Variants in ARPC1A observed in about 807,000 individuals in gnomAD.
ARPC1A encodes actin-related protein 2/3 complex subunit 1A.
A neutral mutation model predicts 46.9 loss-of-function variants in ARPC1A; 8 were observed. That is an observed-to-expected ratio of 0.17 (90% CI 0.10 to 0.31). ARPC1A has a LOEUF of 0.31. Ranked by LOEUF, ARPC1A falls within the 10% of genes least tolerant of loss-of-function variation. The pLI is 1.00. For missense variants in ARPC1A, 286 were observed against 483.6 expected (o/e 0.59, Z 3.83); for synonymous variants, 152 against 169.0 (o/e 0.90, Z 0.78).
At chr7:99,364,519 G>A (rs952143171) in intron 9 of ARPC1A, among the ~76,000 whole-genome samples, 7 of 150,882 alleles carry the variant, frequency 4.6e-5, no homozygotes, top group Non-Finnish European at 8.9e-5. Flanking sequence ...TGATCCACCC[G>A]CCTCAGCCTC....
chr7:99,332,037 T>G (rs996391388), intron 1 of ARPC1A, among the ~76,000 whole-genome samples: 1 of 152,218 alleles, frequency 6.6e-6, no homozygotes, highest in Non-Finnish European at 1.5e-5. Context: ...AGGCCAGTTC[T>G]TCTATAGAAT....
At chr7:99,362,716 C>T (rs1039443057) in intron 8 of ARPC1A, among the ~76,000 whole-genome samples, 1 of 151,976 alleles carries the variant, frequency 6.6e-6, no homozygotes, top group Non-Finnish European at 1.5e-5. Context: ...TTTGCCATCC[C>T]CTTCCCAGCG....
At chr7:99,355,514 G>A (rs1276848116) in intron 6 of ARPC1A, among the ~76,000 whole-genome samples, 1 of 152,150 alleles carries the variant, frequency 6.6e-6, no homozygotes, top group Non-Finnish European at 1.5e-5. Flanking sequence ...GGAGGCCAAG[G>A]TGGGTGGATC....
chr7:99,359,361 G>A (rs1336639059), intron 7 of ARPC1A, among the ~76,000 whole-genome samples, 184 bp from the exon 8 acceptor site: 3 of 151,478 alleles, frequency 2.0e-5, no homozygotes, highest in Admixed American at 6.6e-5. Flanking sequence ...ACTTGAACCC[G>A]GGAAGCAGAG....
intron 5 of ARPC1A, among the ~76,000 whole-genome samples, chr7:99,352,834 C>T (rs1281899767): frequency 6.6e-6 from 1 of 151,890 alleles, no homozygotes; most frequent in African/African-American, 2.4e-5. Context: ...CATGGTGGCA[C>T]ATGCCTGTAA....
At chr7:99,350,955 C>G (rs1023324362) in intron 5 of ARPC1A, among the ~76,000 whole-genome samples, 6 of 151,438 alleles carry the variant, frequency 4.0e-5, no homozygotes, top group Admixed American at 4.0e-4. Flanking sequence ...CTGGGATACA[C>G]TTTCTTCAGT....
intron 9 of ARPC1A, 44 bp downstream of exon 9, chr7:99,363,677 T>TG (rs767033478): frequency 2.0e-4 from 172 of 847,350 alleles, no homozygotes; most frequent in Non-Finnish European, 2.5e-4. Context: ...TGTTAAAACT[T>TG]TTTTTTTTTT....
chr7:99,349,711 G>C (rs1469143017), intron 5 of ARPC1A, among the ~76,000 whole-genome samples: 1 of 152,108 alleles, frequency 6.6e-6, no homozygotes, highest in African/African-American at 2.4e-5. Flanking sequence ...GTGGTGGCGG[G>C]TGCCTGTAGT....
At chr7:99,341,101 G>C (rs1481089760) in intron 3 of ARPC1A, among the ~76,000 whole-genome samples, 3 of 152,086 alleles carry the variant, frequency 2.0e-5, no homozygotes, top group African/African-American at 7.2e-5. Context: ...CTGAGGTCGG[G>C]AGTTTGAGAC....
chr7:99,328,514 A>G (rs919026604), intron 1 of ARPC1A, among the ~76,000 whole-genome samples: 4 of 152,216 alleles, frequency 2.6e-5, no homozygotes, highest in Non-Finnish European at 5.9e-5. Flanking sequence ...GAAGAAAAAA[A>G]TGAGATTTAG....
rs201492356 is a variant in ARPC1A, at chr7:99,353,113, T to TTTATGTTATGTTATG, written c.501-751_501-737dup. ...ATTATTTTAGTTTAGTTTAGTTTAG[T>TTTATGTTATGTTATG]TTATGTTATGTTATGTTATGTTATG... On this transcript the variant is annotated intron_variant, in intron 5 of 9. Coordinates refer to ENST00000262942, the MANE Select transcript of ARPC1A (RefSeq NM_006409.4). Among the ~76,000 whole-genome samples the TTTATGTTATGTTATG allele has an allele frequency of 1.8e-3, 248 of 136,716 alleles. 1 individual carries two copies. The highest frequency in any genetic ancestry group is 4.7e-3 in the East Asian group (23 of 4,852). 89.7% of individuals were successfully genotyped at this position (136,716 alleles called of 152,430 possible). A position where few individuals can be genotyped will look rare whatever the true frequency, so the allele number is the denominator to read the frequency against.
chr7:99,328,484 A>G (rs962906200), intron 1 of ARPC1A, among the ~76,000 whole-genome samples: 25 of 152,228 alleles, frequency 1.6e-4, no homozygotes, highest in African/African-American at 5.5e-4. Flanking sequence ...TTGTGATCTC[A>G]GTGGTATATC....
intron 3 of ARPC1A, among the ~76,000 whole-genome samples, chr7:99,339,228 A>G (rs749856333): frequency 1.3e-5 from 2 of 152,180 alleles, no homozygotes; most frequent in African/African-American, 2.4e-5. Context: ...GTCCATTTTT[A>G]ATACATTTAC....
At chr7:99,358,643 C>T (rs1322005262) in intron 7 of ARPC1A, 9 of 461,266 alleles carry the variant, frequency 2.0e-5, no homozygotes, top group Admixed American at 7.7e-5. Flanking sequence ...CGGGTTCAAG[C>T]GATTCTCCCG....
At chr7:99,354,250 T>A in intron 6 of ARPC1A, 129 bp downstream of exon 6, 1 of 1,089,674 alleles carries the variant, frequency 9.2e-7, no homozygotes, top group Non-Finnish European at 1.3e-6. Flanking sequence ...AGGCCAGGCG[T>A]GGTGGCTCAC....
chr7:99,333,540 A>C (rs1188332835), intron 2 of ARPC1A, 123 bp downstream of exon 2: 1 of 809,678 alleles, frequency 1.2e-6, no homozygotes, highest in East Asian at 2.8e-5. Flanking sequence ...TATTATATAC[A>C]TTCAGAAGGG....
chr7:99,361,929 A>C (rs1053957976), intron 8 of ARPC1A, among the ~76,000 whole-genome samples: 2 of 152,184 alleles, frequency 1.3e-5, no homozygotes. Flanking sequence ...TGGACACTCA[A>C]ATTTGAATTT....
At chr7:99,333,022 G>A (rs1040483180) in intron 1 of ARPC1A, among the ~76,000 whole-genome samples, 6 of 151,880 alleles carry the variant, frequency 4.0e-5, no homozygotes, top group African/African-American at 1.5e-4. Flanking sequence ...TCAGCCTCCC[G>A]AGTAGCTGGA....
chr7:99,340,953 A>G (rs567277588), intron 3 of ARPC1A, among the ~76,000 whole-genome samples: 3 of 152,198 alleles, frequency 2.0e-5, no homozygotes, highest in Non-Finnish European at 4.4e-5. Flanking sequence ...GGTTTGGCCT[A>G]TTTTCTTAAG....
Sources: allele counts gnomAD v4.1 joint callset (sites outside exome capture counted in the v4.1 genomes callset), GRCh38; gene constraint gnomAD v4.1.1; transcripts MANE v1.5; gene names NCBI Gene and HGNC (gene_info 2026-07-23, HGNC 2026-07-21).